The following PRPF6 variants were observed in gnomAD, a reference collection of about 807,000 sequenced individuals.
PRPF6 encodes the protein pre-mRNA-processing factor 6.
PRPF6 carries 42 observed loss-of-function variants against 118.3 expected under a neutral mutation model. The ratio of observed to expected loss-of-function variants is 0.35; its 90% CI spans 0.28 to 0.46. The LOEUF is 0.46. PRPF6 is among the 20% of genes least tolerant of loss of function. PRPF6 has a pLI of 1.00. For synonymous variants in PRPF6, 481 were observed against 485.1 expected (o/e 0.99, Z 0.11); for missense variants, 662 against 1,255.7 (o/e 0.53, Z 7.15).
chr20:64,016,729 G>A lies in PRPF6; in HGVS notation c.1531G>A (p.Glu511Lys), dbSNP rs763264227. 5 of 1,613,924 alleles carry A rather than the reference G, an allele frequency of 3.1e-6. No homozygotes were observed. Among genetic ancestry groups the A allele is most frequent in the African/African-American group, 1.3e-5 (1 of 74,904 alleles). Residue 511 changes from glutamate to lysine, a missense_variant, in exon 12 of 21, where the codon GAG becomes AAG. This residue lies in a region of PRPF6 where 189 missense variants were observed against 323.5 expected (regional missense o/e 0.58). Coordinates refer to ENST00000266079, the MANE Select transcript of PRPF6 (RefSeq NM_012469.4). ...INREQWIQDA[E>K]ECDRAGSVAT... ...TTTTGTGTTCCTCTTTCAGGATGCC[G>A]AGGAATGTGACAGGGCTGGGAGTGT...
intron 20 of PRPF6, 103 bp from the exon 21 acceptor site, chr20:64,032,738 G>A: frequency 6.9e-7 from 1 of 1,443,034 alleles, no homozygotes; most frequent in Non-Finnish European, 9.4e-7. Flanking sequence ...AGTTGGGGTT[G>A]GTGCTGCCAG....
chr20:64,001,951 G>A (rs2059168036), intron 9 of PRPF6, among the ~76,000 whole-genome samples: 1 of 151,742 alleles, frequency 6.6e-6, no homozygotes, highest in African/African-American at 2.4e-5. Context: ...TAGTCAGGGG[G>A]CTGTTCTGAA....
At chr20:64,009,965 T>C (rs931460240) in intron 9 of PRPF6, among the ~76,000 whole-genome samples, 29 of 152,330 alleles carry the variant, frequency 1.9e-4, no homozygotes, top group African/African-American at 7.0e-4. Flanking sequence ...GTCCTGTTGA[T>C]ATGACCCTGG....
rs1377540529 is a variant in PRPF6, at chr20:64,028,117, C to T, written c.2340-361C>T. On this transcript the variant is annotated intron_variant, in intron 17 of 20. Transcript: ENST00000266079. The surrounding 1 kb of genome is among the most constrained non-coding windows in gnomAD (Gnocchi z 6.5). ...GCAGGCTCTGTTCATGGAGGTGCTG[C>T]GTCCAGCTCAGGGTGACGGGGCTGG... Among the ~76,000 whole-genome samples the T allele has an allele frequency of 6.6e-6, 1 of 152,134 alleles. No individual in the cohort carries two copies. The highest frequency in any genetic ancestry group is 1.5e-5 in the Non-Finnish European group (1 of 68,026).
chr20:63,984,833 A>G (rs765143992), intron 2 of PRPF6, 74 bp from the exon 3 acceptor site: 74 of 1,037,400 alleles, frequency 7.1e-5, no homozygotes, highest in Non-Finnish European at 1.0e-4. Context: ...TTTCACAAGT[A>G]GAGATCTCCG....
chr20:63,996,003 T>A (rs1320221162), intron 6 of PRPF6, among the ~76,000 whole-genome samples: 1 of 152,198 alleles, frequency 6.6e-6, no homozygotes, highest in Non-Finnish European at 1.5e-5. Flanking sequence ...TGTGTTTTTT[T>A]CCTGCCTCTC....
intron 6 of PRPF6, among the ~76,000 whole-genome samples, chr20:63,997,384 G>A (rs2059145207): frequency 6.7e-6 from 1 of 148,636 alleles, no homozygotes; most frequent in African/African-American, 2.5e-5. Context: ...TCCGCCTCTC[G>A]GGTTCAAATG....
intron 9 of PRPF6, among the ~76,000 whole-genome samples, chr20:64,003,762 A>AT (rs925631266): frequency 1.3e-5 from 2 of 151,310 alleles, no homozygotes; most frequent in East Asian, 1.9e-4. Flanking sequence ...GGCCTGGCTA[A>AT]TTTTTTTTTG....
At chr20:63,984,862 T>C (rs767651226) in intron 2 of PRPF6, 45 bp from the exon 3 acceptor site, 17 of 1,327,502 alleles carry the variant, frequency 1.3e-5, no homozygotes, top group East Asian at 2.3e-5. Flanking sequence ...GTGGGGATGG[T>C]GTTGAAGGAA....
intron 3 of PRPF6, among the ~76,000 whole-genome samples, chr20:63,986,340 C>G (rs1321975774): frequency 8.3e-6 from 1 of 120,558 alleles, no homozygotes; most frequent in Non-Finnish European, 1.7e-5. Flanking sequence ...AGCAAGACTC[C>G]ATCTCAAAAA....
In PRPF6 at chr20:64,001,244, G is replaced by A. The variant is rs2059165029; in HGVS notation, c.1186+5G>A. The A allele has an allele frequency of 6.2e-7, 1 of 1,614,212 alleles. No homozygotes were observed. ...AGAAGCGGGTTCTTCGGAAAGGTGA[G>A]CCTCCCTCGGAGGTGCTGCTTTCTC... is the stretch of plus-strand genomic sequence containing the variant. On this transcript the variant is annotated splice_donor_5th_base_variant and intron_variant, in intron 9 of 20. Transcript: ENST00000266079.
chr20:64,020,013 G>T (rs1159262093), intron 12 of PRPF6, among the ~76,000 whole-genome samples: 1 of 152,202 alleles, frequency 6.6e-6, no homozygotes, highest in African/African-American at 2.4e-5. Context: ...TGAGCTGCCA[G>T]TCCAGATCTT....
At chr20:64,002,014 G>GTTTTTTTTTTTTTTTTTTTTT (rs386394238) in intron 9 of PRPF6, among the ~76,000 whole-genome samples, 1 of 83,242 alleles carries the variant, frequency 1.2e-5, no homozygotes, top group African/African-American at 4.7e-5. Flanking sequence ...TTTTTTTCTG[G>GTTTTTTTTTTTTTTTTTTTTT]TTTTTTTTTT....
intron 12 of PRPF6, among the ~76,000 whole-genome samples, chr20:64,017,700 C>T (rs753463391): frequency 2.0e-5 from 3 of 152,274 alleles, no homozygotes; most frequent in Non-Finnish European, 4.4e-5. Context: ...TGCTTTCTTA[C>T]TCTGTTCGCT....
intron 6 of PRPF6, among the ~76,000 whole-genome samples, chr20:63,998,117 C>CG (rs2059149415): frequency 6.6e-6 from 1 of 151,562 alleles, no homozygotes; most frequent in Non-Finnish European, 1.5e-5. Flanking sequence ...TTTTTTGAGA[C>CG]GGGGTCTTGC....
chr20:64,023,445 G>C (rs187228656), intron 13 of PRPF6, among the ~76,000 whole-genome samples: 1 of 152,212 alleles, frequency 6.6e-6, no homozygotes, highest in East Asian at 1.9e-4. Context: ...CATTGGGCTC[G>C]TGTCCCCACG....
At chr20:63,991,604 A>T (rs1416468596) in intron 3 of PRPF6, among the ~76,000 whole-genome samples, 3 of 152,132 alleles carry the variant, frequency 2.0e-5, no homozygotes, top group Non-Finnish European at 4.4e-5. Flanking sequence ...ATCCTGGCCA[A>T]CATGGTGAAA....
At position 64,029,240 on chromosome 20, in the gene PRPF6, G is replaced by A; in HGVS notation, c.2432-137G>A. 1.3e-6 allele frequency: 1 copy of A among 771,748 alleles called. No homozygotes were observed. The highest frequency in any genetic ancestry group is 1.9e-5 in the Admixed American group (1 of 51,612). The allele number at this position is 771,748 out of a possible 1,614,324, so 47.8% of individuals were successfully genotyped here. On this transcript the variant is annotated intron_variant, in intron 18 of 20. Coordinates refer to ENST00000266079, the MANE Select transcript of PRPF6 (RefSeq NM_012469.4). The surrounding 1 kb of genome is among the most constrained non-coding windows in gnomAD (Gnocchi z 4.8). ...GTGCTCATCCTTTGTGGTTCTCCTT[G>A]CACAAGTTCTGCGAGCCGTGTGTGG... is the stretch of plus-strand genomic sequence containing the variant.
intron 9 of PRPF6, 72 bp downstream of exon 9, chr20:64,001,311 G>A (rs2059165409): frequency 1.1e-5 from 17 of 1,558,362 alleles, no homozygotes; most frequent in Non-Finnish European, 1.5e-5. Context: ...CCTGCTCCTG[G>A]CTCAGGCTTT....
Sources: allele counts gnomAD v4.1 joint callset (sites outside exome capture counted in the v4.1 genomes callset), GRCh38; gene constraint gnomAD v4.1.1; regional missense constraint gnomAD v4.1.1; non-coding constraint Gnocchi (gnomAD v3.1); transcripts MANE v1.5; gene names NCBI Gene and HGNC (gene_info 2026-07-23, HGNC 2026-07-21).